The following RBMS3 variants were observed in gnomAD, a reference collection of about 807,000 sequenced individuals.
RBMS3 encodes the protein RNA binding motif single stranded interacting protein 3, also known as RNA-binding motif, single-stranded-interacting protein 3.
RBMS3 carries 27 observed loss-of-function variants against 66.8 expected under a neutral mutation model. That is an observed-to-expected ratio of 0.40 (90% CI 0.30 to 0.56). The LOEUF is 0.56. Ranked by LOEUF, RBMS3 falls within the 20% of genes least tolerant of loss-of-function variation. The pLI, the probability that RBMS3 is intolerant of heterozygous loss-of-function variation, is 0.40. For synonymous variants in RBMS3, 188 were observed against 183.0 expected (o/e 1.03, Z -0.22); for missense variants, 513 against 549.5 (o/e 0.93, Z 0.66).
chr3:29,763,932 G>A (rs1030325961), intron 6 of RBMS3, among the ~76,000 whole-genome samples: 2 of 151,996 alleles, frequency 1.3e-5, no homozygotes, highest in Non-Finnish European at 2.9e-5. Context: ...TACAATATGT[G>A]ACTTTAATCT....
chr3:29,601,857 G>GTGAAGTC (rs1462264980), intron 4 of RBMS3, among the ~76,000 whole-genome samples: 1 of 152,070 alleles, frequency 6.6e-6, no homozygotes, highest in Non-Finnish European at 1.5e-5. Flanking sequence ...CAGAAGAGGA[G>GTGAAGTC]ACAGTGGTGA....
intron 6 of RBMS3, among the ~76,000 whole-genome samples, chr3:29,855,115 T>C (rs1423924152): frequency 1.3e-5 from 2 of 152,230 alleles, no homozygotes; most frequent in Non-Finnish European, 2.9e-5. Context: ...CTTTTATTCA[T>C]TCAACAGATA....
At chr3:29,798,224 A>G (rs953322605) in intron 6 of RBMS3, among the ~76,000 whole-genome samples, 18 of 147,058 alleles carry the variant, frequency 1.2e-4, no homozygotes, top group African/African-American at 4.5e-4. Flanking sequence ...TGACCAAGGT[A>G]TGACACAGAG....
intron 1 of RBMS3, among the ~76,000 whole-genome samples, chr3:29,319,230 G>C (rs1048573333): frequency 6.6e-6 from 1 of 151,922 alleles, no homozygotes; most frequent in East Asian, 1.9e-4. Flanking sequence ...TGCCAATTCC[G>C]TGTCACACAA....
At chr3:29,805,397 C>T (rs2149449164) in intron 6 of RBMS3, among the ~76,000 whole-genome samples, 1 of 152,072 alleles carries the variant, frequency 6.6e-6, no homozygotes, top group African/African-American at 2.4e-5. Context: ...TGAGAGTGTA[C>T]TCTTTGTACT....
intron 4 of RBMS3, among the ~76,000 whole-genome samples, chr3:29,610,386 T>C (rs924375540): frequency 2.6e-5 from 4 of 152,048 alleles, no homozygotes; most frequent in Admixed American, 6.6e-5. Flanking sequence ...CACCACCCTC[T>C]GTTACCCACC....
At chr3:29,896,177 A>G (rs1364188637) in intron 8 of RBMS3, among the ~76,000 whole-genome samples, 1 of 151,500 alleles carries the variant, frequency 6.6e-6, no homozygotes, top group Non-Finnish European at 1.5e-5. Context: ...ACTTTTACAG[A>G]AAATAAGCTT....
At chr3:29,493,891 T>C (rs2043642127) in intron 3 of RBMS3, among the ~76,000 whole-genome samples, 1 of 152,202 alleles carries the variant, frequency 6.6e-6, no homozygotes. Context: ...GGTGCCTTTT[T>C]CAAACAAAAT....
intron 3 of RBMS3, among the ~76,000 whole-genome samples, chr3:29,541,748 G>A (rs2045768339): frequency 6.6e-6 from 1 of 152,150 alleles, no homozygotes; most frequent in Non-Finnish European, 1.5e-5. Context: ...GCCATGGCTG[G>A]CAAGGTCTTA....
At chr3:29,365,332 TC>T (rs2037838539) in intron 1 of RBMS3, among the ~76,000 whole-genome samples, 1 of 151,872 alleles carries the variant, frequency 6.6e-6, no homozygotes, top group Non-Finnish European at 1.5e-5. Context: ...ATATATATAT[TC>T]TTTAAAAAAT....
At chr3:29,971,143 T>G (rs1393004496) in intron 12 of RBMS3, among the ~76,000 whole-genome samples, 1 of 152,084 alleles carries the variant, frequency 6.6e-6, no homozygotes, top group Non-Finnish European at 1.5e-5. Flanking sequence ...ATTCCCCGCT[T>G]TATAACTGCC....
At chr3:29,499,130 A>G (rs1362813802) in intron 3 of RBMS3, among the ~76,000 whole-genome samples, 1 of 152,086 alleles carries the variant, frequency 6.6e-6, no homozygotes, top group Non-Finnish European at 1.5e-5. Context: ...TTGTTATGCT[A>G]TTCACTCTGT....
At position 29,891,985 on chromosome 3, in the gene RBMS3, T is replaced by TA. The variant is rs562883203; in HGVS notation, c.792-5386dup. Among the ~76,000 whole-genome samples the TA allele has an allele frequency of 8.1e-4, 122 of 151,508 alleles. 1 individual carries two copies. Among genetic ancestry groups the TA allele is most frequent in the African/African-American group, 2.4e-3 (99 of 41,406 alleles). Reference sequence around the variant, plus strand: ...TAAATAGGATTTGCTTTTTGTACAGTAAAAAAAATTAAACCCTGGGGTTAT... The same window carrying TA: ...TAAATAGGATTTGCTTTTTGTACAGTAAAAAAAAATTAAACCCTGGGGTTAT... On this transcript the variant is annotated intron_variant, in intron 8 of 14. Transcript: ENST00000383767.
intron 4 of RBMS3, among the ~76,000 whole-genome samples, chr3:29,736,208 A>T (rs1229013635): frequency 1.3e-5 from 2 of 152,242 alleles, no homozygotes; most frequent in Non-Finnish European, 2.9e-5. Flanking sequence ...TTCAAAGAAC[A>T]GAATTACTTA....
At chr3:29,836,223 T>C (rs2058504467) in intron 6 of RBMS3, among the ~76,000 whole-genome samples, 1 of 152,032 alleles carries the variant, frequency 6.6e-6, no homozygotes, top group Non-Finnish European at 1.5e-5. Flanking sequence ...TCAAACTCTT[T>C]CAAAAAATTA....
chr3:29,749,686 G>A (rs2055085853), intron 5 of RBMS3, among the ~76,000 whole-genome samples: 1 of 152,138 alleles, frequency 6.6e-6, no homozygotes, highest in Non-Finnish European at 1.5e-5. Context: ...ATAAGGTCAG[G>A]AACCTTGTAA....
chr3:29,768,788 G>C lies in RBMS3; in HGVS notation c.637+5799G>C, dbSNP rs115507140. ...CACATTCTACAGGGTTCCTTGAGAGGTTATCTACAGTGGTCACAAGCTCAA... is the reference window on the plus strand; with the variant it reads ...CACATTCTACAGGGTTCCTTGAGAGCTTATCTACAGTGGTCACAAGCTCAA... On this transcript the variant is annotated intron_variant, in intron 6 of 14. Transcript: ENST00000383767. Among the ~76,000 whole-genome samples, 654 of 152,006 alleles carry C rather than the reference G, an allele frequency of 4.3e-3. 6 individuals carry two copies. The highest frequency in any genetic ancestry group is 0.015 in the African/African-American group (608 of 41,504).
At chr3:29,330,885 A>G (rs1259536839) in intron 1 of RBMS3, among the ~76,000 whole-genome samples, 1 of 152,170 alleles carries the variant, frequency 6.6e-6, no homozygotes, top group African/African-American at 2.4e-5. Context: ...CCGGATGGTG[A>G]TTGAATTGCT....
chr3:29,464,876 C>T lies in RBMS3; in HGVS notation c.249-23565C>T, dbSNP rs555301990. ...ATCTCATGTATTTCAATCATGGCCA[C>T]TCTGTATCAATAACAGAATATTGGA... On this transcript the variant is annotated intron_variant, in intron 2 of 14. Coordinates refer to ENST00000383767, the MANE Select transcript of RBMS3 (RefSeq NM_001003793.3). Among the ~76,000 whole-genome samples, 301 of 152,262 alleles carry T rather than the reference C, an allele frequency of 2.0e-3. 1 individual carries two copies. The highest frequency in any genetic ancestry group is 6.9e-3 in the African/African-American group (288 of 41,562).
Sources: allele counts gnomAD v4.1 joint callset (sites outside exome capture counted in the v4.1 genomes callset), GRCh38; gene constraint gnomAD v4.1.1; transcripts MANE v1.5; gene names NCBI Gene and HGNC (gene_info 2026-07-23, HGNC 2026-07-21).